The following RNGTT variants were observed in gnomAD, a reference collection of about 807,000 sequenced individuals.
RNGTT encodes mRNA-capping enzyme.
RNGTT carries 33 observed loss-of-function variants against 79.3 expected under a neutral mutation model. The ratio of observed to expected loss-of-function variants is 0.42; its 90% confidence interval spans 0.32 to 0.56. RNGTT has a LOEUF of 0.56. RNGTT is among the 20% of genes least tolerant of loss of function. RNGTT has a pLI of 0.17. For synonymous variants in RNGTT, 222 were observed against 235.9 expected, an observed-to-expected ratio of 0.94 and a Z score of 0.54; for missense variants, 497 against 739.1, an observed-to-expected ratio of 0.67 and a Z score of 3.80.
chr6:88,780,791 T>C (rs1223783832), intron 12 of RNGTT, among the ~76,000 whole-genome samples: 1 of 152,182 alleles, frequency 6.6e-6, no homozygotes, highest in Non-Finnish European at 1.5e-5. Flanking sequence ...GAACCTGGCT[T>C]AGAGGTAGAA....
intron 2 of RNGTT, among the ~76,000 whole-genome samples, chr6:88,935,865 C>T (rs1339706904): frequency 6.6e-6 from 1 of 152,136 alleles, no homozygotes; most frequent in African/African-American, 2.4e-5. Context: ...TCTTTCTCAG[C>T]TAGTTCAGTA....
chr6:88,647,715 A>AAAAAG (rs531898293), intron 14 of RNGTT, among the ~76,000 whole-genome samples: 1 of 142,446 alleles, frequency 7.0e-6, no homozygotes, highest in African/African-American at 3.0e-5. Context: ...AAAAAAAAAA[A>AAAAAG]AAGAAGAAGA....
chr6:88,898,484 CTCT>C (rs1409685290), intron 6 of RNGTT, among the ~76,000 whole-genome samples: 1 of 151,784 alleles, frequency 6.6e-6, no homozygotes, highest in Non-Finnish European at 1.5e-5. Context: ...TAATTTGTTC[CTCT>C]TCTTAATAGC....
At chr6:88,818,981 G>A (rs2127878248) in intron 11 of RNGTT, among the ~76,000 whole-genome samples, 1 of 152,192 alleles carries the variant, frequency 6.6e-6, no homozygotes, top group African/African-American at 2.4e-5. Context: ...CCACATCACA[G>A]TTTCAATAAA....
At chr6:88,948,375 C>A (rs1303285140) in intron 1 of RNGTT, among the ~76,000 whole-genome samples, 1 of 124,224 alleles carries the variant, frequency 8.0e-6, no homozygotes, top group Non-Finnish European at 1.8e-5. Context: ...GGTCAGCCCC[C>A]CCGCCCGGCC....
chr6:88,667,865 G>T (rs912184305), intron 14 of RNGTT, among the ~76,000 whole-genome samples: 11 of 152,158 alleles, frequency 7.2e-5, no homozygotes, highest in Admixed American at 6.5e-4. Context: ...TTAGGCTTAG[G>T]GAAAGTGTGT....
At chr6:88,654,314 T>C (rs1329874849) in intron 14 of RNGTT, among the ~76,000 whole-genome samples, 3 of 152,150 alleles carry the variant, frequency 2.0e-5, no homozygotes, top group South Asian at 4.1e-4. Flanking sequence ...TTACAGAAAA[T>C]TTAGCCATTA....
intron 14 of RNGTT, among the ~76,000 whole-genome samples, chr6:88,635,158 T>C (rs1228783396): frequency 6.6e-6 from 1 of 152,072 alleles, no homozygotes; most frequent in East Asian, 1.9e-4. Context: ...GAAGCAATCA[T>C]TCCTTTGTAT....
chr6:88,644,786 T>C (rs1582271593), intron 14 of RNGTT, among the ~76,000 whole-genome samples: 1 of 152,320 alleles, frequency 6.6e-6, no homozygotes, highest in Non-Finnish European at 1.5e-5. Flanking sequence ...GAAAAGGCCT[T>C]TGACAAAATT....
chr6:88,724,196 A>G (rs1442288681), intron 13 of RNGTT, among the ~76,000 whole-genome samples: 1 of 152,190 alleles, frequency 6.6e-6, no homozygotes, highest in Non-Finnish European at 1.5e-5. Context: ...TAAAATCTAC[A>G]GGAGTATGTA....
intron 1 of RNGTT, among the ~76,000 whole-genome samples, chr6:88,961,841 T>C (rs1206205362): frequency 1.3e-5 from 2 of 152,202 alleles, no homozygotes; most frequent in Non-Finnish European, 2.9e-5. Flanking sequence ...ACACAAAGAA[T>C]TGTACATGAA....
At chr6:88,632,524 TACAGACAC>T (rs71681491) in intron 14 of RNGTT, among the ~76,000 whole-genome samples, 17,126 of 130,518 alleles carry the variant, frequency 0.13, 1,241 homozygotes, top group African/African-American at 0.21. Context: ...AGCAACCAAC[TACAGACAC>T]ACAGACACAC....
At chr6:88,938,111 A>G (rs1278692156) in intron 2 of RNGTT, among the ~76,000 whole-genome samples, 2 of 152,176 alleles carry the variant, frequency 1.3e-5, no homozygotes, top group Non-Finnish European at 2.9e-5. Context: ...CAATCTGTCT[A>G]ATGATGACAG....
At chr6:88,794,227 C>G (rs969515276) in intron 12 of RNGTT, among the ~76,000 whole-genome samples, 1 of 152,144 alleles carries the variant, frequency 6.6e-6, no homozygotes, top group Non-Finnish European at 1.5e-5. Flanking sequence ...GGACAAAACT[C>G]ATGTTATTGT....
At chr6:88,632,544 G>GACACACACACACACACAC (rs55920605) in intron 14 of RNGTT, among the ~76,000 whole-genome samples, 1 of 133,048 alleles carries the variant, frequency 7.5e-6, no homozygotes, top group Non-Finnish European at 1.6e-5. Context: ...CAGACACACA[G>GACACACACACACACACAC]ACACACACAC....
chr6:88,793,272 G>A (rs902274068), intron 12 of RNGTT, among the ~76,000 whole-genome samples: 1 of 152,096 alleles, frequency 6.6e-6, no homozygotes, highest in African/African-American at 2.4e-5. Flanking sequence ...CATAGAAAAT[G>A]AAAATGATGA....
intron 13 of RNGTT, among the ~76,000 whole-genome samples, chr6:88,737,305 A>C (rs1471678335): frequency 6.6e-6 from 1 of 152,168 alleles, no homozygotes; most frequent in African/African-American, 2.4e-5. Context: ...ACAGATTCAC[A>C]GCTAGAGAGA....
At chr6:88,790,826 C>T (rs1293621459) in intron 12 of RNGTT, among the ~76,000 whole-genome samples, 1 of 152,056 alleles carries the variant, frequency 6.6e-6, no homozygotes, top group Non-Finnish European at 1.5e-5. Flanking sequence ...AAGTTCTTGG[C>T]CTGATTAAGG....
At chr6:88,883,669 A>G (rs558880442) in intron 8 of RNGTT, among the ~76,000 whole-genome samples, 4 of 152,348 alleles carry the variant, frequency 2.6e-5, no homozygotes, top group African/African-American at 7.2e-5. Context: ...TTCCAGATTA[A>G]AAAAATCAAA....
Sources: gnomAD v4.1 joint callset for allele counts (sites outside exome capture counted in the v4.1 genomes callset) on GRCh38, gnomAD v4.1.1 for gene constraint, MANE v1.5 for transcripts, NCBI Gene and HGNC (gene_info 2026-07-23, HGNC 2026-07-21) for gene names.